Variants in ACP7 observed in about 807,000 individuals in gnomAD.
ACP7 encodes the protein acid phosphatase 7, tartrate resistant (putative).
Under a neutral mutation model 60.6 loss-of-function variants are expected in ACP7, and 58 were observed. That is an observed-to-expected ratio of 0.96 (90% confidence interval 0.77 to 1.19). ACP7 has a LOEUF of 1.19. Ranked by LOEUF, ACP7 falls within the 50% of genes most tolerant of loss-of-function variation. The pLI is 0.00. For synonymous variants in ACP7, 237 were observed against 232.6 expected (o/e 1.02, Z -0.17); for missense variants, 574 against 596.2 (o/e 0.96, Z 0.39).
intron 2 of ACP7, among the ~76,000 whole-genome samples, chr19:39,093,779 A>C (rs140654690): frequency 1.1e-4 from 16 of 152,282 alleles, no homozygotes; most frequent in African/African-American, 3.4e-4. Flanking sequence ...TTTCTTTTGT[A>C]CAAATGAACA....
At chr19:39,086,559 G>A (rs994811258) in intron 2 of ACP7, among the ~76,000 whole-genome samples, 7 of 146,144 alleles carry the variant, frequency 4.8e-5, no homozygotes, top group Non-Finnish European at 1.0e-4. Context: ...GAGCCCAGGA[G>A]GCAAAGGTTG....
At chr19:39,104,085 T>C (rs1342167503) in intron 11 of ACP7, among the ~76,000 whole-genome samples, 2 of 151,048 alleles carry the variant, frequency 1.3e-5, no homozygotes, top group Non-Finnish European at 2.9e-5. Flanking sequence ...GGTAAAATAA[T>C]AATTATTATT....
chr19:39,108,232 C>T (rs1466629191), intron 12 of ACP7, among the ~76,000 whole-genome samples: 1 of 151,676 alleles, frequency 6.6e-6, no homozygotes, highest in Admixed American at 6.6e-5. Context: ...CGCCACCTCC[C>T]AGGTTCAGGC....
chr19:39,086,926 T>A (rs2073149265), intron 2 of ACP7, among the ~76,000 whole-genome samples: 1 of 152,188 alleles, frequency 6.6e-6, no homozygotes, highest in African/African-American at 2.4e-5. Flanking sequence ...GTATATGATA[T>A]TTTTAAGGAA....
chr19:39,102,754 TC>T, intron 11 of ACP7, among the ~76,000 whole-genome samples: 1 of 83,536 alleles, frequency 1.2e-5, no homozygotes, highest in Non-Finnish European at 2.6e-5. Flanking sequence ...TTTCTTTCTT[TC>T]TTTCTTTCTT....
chr19:39,103,760 C>T (rs2073383461), intron 11 of ACP7, among the ~76,000 whole-genome samples: 1 of 152,024 alleles, frequency 6.6e-6, no homozygotes, highest in African/African-American at 2.4e-5. Context: ...CCCAAGAAGT[C>T]AAAGCTGCAA....
chr19:39,099,992 CA>C (rs35619428), intron 4 of ACP7, among the ~76,000 whole-genome samples: 36,112 of 72,246 alleles, frequency 0.5, 6,237 homozygotes, highest in East Asian at 0.56. Context: ...GACTCTGTCT[CA>C]AAAAAAAAAA....
At chr19:39,094,058 G>A (rs2144985738) in intron 2 of ACP7, among the ~76,000 whole-genome samples, 1 of 152,272 alleles carries the variant, frequency 6.6e-6, no homozygotes, top group South Asian at 2.1e-4. Context: ...ATGGCTGGAG[G>A]AAGAACTCTT....
At chr19:39,103,133 C>T (rs766083142) in intron 11 of ACP7, among the ~76,000 whole-genome samples, 9 of 152,256 alleles carry the variant, frequency 5.9e-5, no homozygotes, top group East Asian at 1.9e-4. Flanking sequence ...CCACTGTGCC[C>T]GGCCTTACAG....
At chr19:39,085,433 C>T (rs200345523) in intron 2 of ACP7, 43 bp downstream of exon 2, 22 of 1,558,234 alleles carry the variant, frequency 1.4e-5, no homozygotes, top group Admixed American at 9.5e-5. Flanking sequence ...CCAGAGAGGC[C>T]CAGCGGTGCT....
chr19:39,103,183 C>A (rs144868709), intron 11 of ACP7, among the ~76,000 whole-genome samples: 1 of 152,246 alleles, frequency 6.6e-6, no homozygotes, highest in African/African-American at 2.4e-5. Flanking sequence ...CTCACTCTTC[C>A]AAGATTTACG....
At chr19:39,105,392 A>G (rs1246916334) in intron 11 of ACP7, among the ~76,000 whole-genome samples, 1 of 152,124 alleles carries the variant, frequency 6.6e-6, no homozygotes, top group Non-Finnish European at 1.5e-5. Context: ...TGAAAAGCAC[A>G]GCGAGTTGTT....
rs191318364 is a variant in ACP7, at chr19:39,104,839, C to G, written c.1114-2108C>G. ...GGCGGAGGTTGCAGTGAGCCGAGAT[C>G]GTGCCATTGCACTCCAGCCTGGGCA... is the stretch of plus-strand genomic sequence containing the variant. On this transcript the variant is annotated intron_variant, in intron 11 of 12. Transcript: ENST00000331256. Among the ~76,000 whole-genome samples, 39 of 151,856 alleles carry G rather than the reference C, an allele frequency of 2.6e-4. 1 individual carries two copies. The East Asian group carries it at 7.5e-3, about 29-fold the overall frequency.
chr19:39,107,192 A>G (rs1473906920), intron 12 of ACP7, 108 bp downstream of exon 12: 3 of 1,207,594 alleles, frequency 2.5e-6, no homozygotes, highest in African/African-American at 3.1e-5. Flanking sequence ...CATGCCTGCA[A>G]CACCTGCAAT....
chr19:39,084,524 T>A, intron 1 of ACP7, 124 bp downstream of exon 1: 1 of 52,756 alleles, frequency 1.9e-5, no homozygotes. Flanking sequence ...TGGGTACAGA[T>A]GGGGGAAGGG....
At chr19:39,100,146 GTCACCATACCTGGCTC>G in intron 4 of ACP7, 65 bp from the exon 5 acceptor site, 1 of 1,562,972 alleles carries the variant, frequency 6.4e-7, no homozygotes, top group Non-Finnish European at 8.7e-7. Flanking sequence ...ACAGGTGTGA[GTCACCATACCTGGCTC>G]TCTCAATTCC....
intron 2 of ACP7, among the ~76,000 whole-genome samples, chr19:39,091,248 C>T (rs542493263): frequency 2.6e-5 from 4 of 151,792 alleles, no homozygotes; most frequent in African/African-American, 4.8e-5. Flanking sequence ...CAGCAACCTC[C>T]GCCTCCTGGG....
At chr19:39,084,999 A>C in intron 1 of ACP7, 93 bp from the exon 2 acceptor site, 1 of 372,134 alleles carries the variant, frequency 2.7e-6, no homozygotes, top group East Asian at 4.6e-5. Context: ...TCCGTGAATT[A>C]ATCTATGTCA....
In ACP7 at chr19:39,102,118, TCTCA is replaced by T. The variant is rs1269066484; in HGVS notation, c.1113+583_1113+586del. On this transcript the variant is annotated intron_variant, in intron 11 of 12. Transcript: ENST00000331256. Reference sequence around the variant, plus strand: ...CTGGGCAACAAAATGAGACCCTTTCTCTCACACACACACACACACACACACACAC... The same window carrying T: ...CTGGGCAACAAAATGAGACCCTTTCTCACACACACACACACACACACACAC... 7.9e-3 allele frequency among the ~76,000 whole-genome samples: 1,049 copies of T among 132,994 alleles called. 17 individuals carry two copies. The highest frequency in any genetic ancestry group is 0.024 in the African/African-American group (804 of 33,628). 87.2% of individuals were successfully genotyped at this position (132,994 alleles called of 152,430 possible).
Sources: allele counts gnomAD v4.1 joint callset (sites outside exome capture counted in the v4.1 genomes callset), GRCh38; gene constraint gnomAD v4.1.1; transcripts MANE v1.5; gene names NCBI Gene and HGNC (gene_info 2026-07-23, HGNC 2026-07-21).